The following MACROD2 variants were observed in gnomAD, a reference collection of about 807,000 sequenced individuals.
The protein encoded by MACROD2 is mono-ADP ribosylhydrolase 2, also known as ADP-ribose glycohydrolase MACROD2.
In MACROD2, 36 loss-of-function variants were observed where a neutral mutation model predicts 70.4. The observed-to-expected ratio is 0.51, with a 90% CI of 0.39 to 0.68. The LOEUF (loss-of-function observed/expected upper bound fraction) is 0.68, where lower values mean the gene tolerates loss of function less well. Among genes scored for constraint, MACROD2 ranks in the 30% least tolerant of loss-of-function variants. The pLI, the probability that MACROD2 is intolerant of heterozygous loss-of-function variation, is 0.00. For synonymous variants in MACROD2, 172 were observed against 178.8 expected (o/e 0.96, Z 0.30); for missense variants, 496 against 538.4 (o/e 0.92, Z 0.78).
intron 8 of MACROD2, among the ~76,000 whole-genome samples, chr20:15,839,157 G>C (rs1014876331): frequency 2.0e-5 from 3 of 152,010 alleles, no homozygotes; most frequent in Admixed American, 6.6e-5. Context: ...CTCAAAAAAG[G>C]CTCCTTACAA....
At chr20:14,378,626 A>C (rs940667866) in intron 3 of MACROD2, among the ~76,000 whole-genome samples, 4 of 152,208 alleles carry the variant, frequency 2.6e-5, no homozygotes, top group African/African-American at 9.7e-5. Context: ...TAGGTAATAA[A>C]AGAGAGTTGT....
chr20:14,796,595 G>C (rs1157615454), intron 5 of MACROD2, among the ~76,000 whole-genome samples: 1 of 152,020 alleles, frequency 6.6e-6, no homozygotes, highest in Non-Finnish European at 1.5e-5. Context: ...GTTTATAAGA[G>C]TACAGCATTT....
chr20:15,549,418 G>A (rs2048066407), intron 8 of MACROD2, among the ~76,000 whole-genome samples: 1 of 152,140 alleles, frequency 6.6e-6, no homozygotes, highest in Admixed American at 6.5e-5. Flanking sequence ...GTTTGGAGGT[G>A]AATAGAAGAA....
At chr20:14,871,337 A>G (rs2073486076) in intron 5 of MACROD2, among the ~76,000 whole-genome samples, 1 of 152,162 alleles carries the variant, frequency 6.6e-6, no homozygotes, top group Non-Finnish European at 1.5e-5. Flanking sequence ...AACTCAGCAT[A>G]CAAGCCAGAA....
In MACROD2 at chr20:15,886,837, T is replaced by C. The variant is rs867533603; in HGVS notation, c.775+1026T>C. Among the ~76,000 whole-genome samples the C allele has an allele frequency of 3.3e-5, 5 of 152,264 alleles. No homozygotes were observed. The Middle Eastern group carries it at 0.014, about 414-fold the overall frequency. ...TTACCATATAGTTTTCTTTGGAGGATTAAATCAGATAACATACCTAAAGTT... is the reference window on the plus strand; with the variant it reads ...TTACCATATAGTTTTCTTTGGAGGACTAAATCAGATAACATACCTAAAGTT... On this transcript the variant is annotated intron_variant, in intron 10 of 17. Coordinates refer to ENST00000684519, the MANE Select transcript of MACROD2 (RefSeq NM_001351661.2).
chr20:14,756,415 T>C (rs1006805259), intron 5 of MACROD2, among the ~76,000 whole-genome samples: 1 of 152,142 alleles, frequency 6.6e-6, no homozygotes. Flanking sequence ...TTATGATTTG[T>C]AAAAATGTGT....
intron 5 of MACROD2, among the ~76,000 whole-genome samples, chr20:14,831,122 C>G (rs2072960334): frequency 6.6e-6 from 1 of 152,000 alleles, no homozygotes; most frequent in Non-Finnish European, 1.5e-5. Context: ...TGTTTCACCA[C>G]TGGGAGGAAC....
chr20:15,108,333 G>C (rs947596562), intron 5 of MACROD2, among the ~76,000 whole-genome samples: 1 of 152,170 alleles, frequency 6.6e-6, no homozygotes, highest in East Asian at 1.9e-4. Context: ...AGCATTAATA[G>C]AGTAAGTAAG....
chr20:15,333,906 C>T (rs4814357), intron 6 of MACROD2, among the ~76,000 whole-genome samples: 2 of 151,300 alleles, frequency 1.3e-5, no homozygotes, highest in Admixed American at 6.6e-5. Flanking sequence ...GAACAGACCA[C>T]ATGGGTCACA....
intron 5 of MACROD2, among the ~76,000 whole-genome samples, chr20:14,793,468 T>C (rs2072474268): frequency 6.6e-6 from 1 of 151,768 alleles, no homozygotes; most frequent in African/African-American, 2.4e-5. Flanking sequence ...GCATATTTTC[T>C]GGCTCATTTG....
intron 8 of MACROD2, among the ~76,000 whole-genome samples, chr20:15,698,233 A>G (rs948637915): frequency 1.3e-5 from 2 of 152,184 alleles, no homozygotes; most frequent in Admixed American, 6.5e-5. Context: ...TTCAAGATCT[A>G]GAACTCCTTT....
intron 3 of MACROD2, among the ~76,000 whole-genome samples, chr20:14,379,490 A>G (rs1182016261): frequency 2.0e-5 from 3 of 152,198 alleles, no homozygotes; most frequent in Non-Finnish European, 4.4e-5. Context: ...AACCATTTTT[A>G]AGTATGCAAT....
chr20:14,905,985 G>A (rs1054176060), intron 5 of MACROD2: 4 of 151,916 alleles, frequency 2.6e-5, no homozygotes, highest in African/African-American at 9.7e-5. Context: ...TTTTATTGTG[G>A]TTTTGTTTTT....
chr20:15,381,340 G>C (rs889238509), intron 6 of MACROD2, among the ~76,000 whole-genome samples: 1 of 151,732 alleles, frequency 6.6e-6, no homozygotes, highest in South Asian at 2.1e-4. Flanking sequence ...TAAGGCCACC[G>C]AGAGAGCACA....
chr20:14,723,920 T>C (rs2071498624), intron 5 of MACROD2, among the ~76,000 whole-genome samples: 1 of 152,164 alleles, frequency 6.6e-6, no homozygotes, highest in Admixed American at 6.6e-5. Context: ...TCTTTTCATT[T>C]TCCTGTGAGA....
At chr20:15,872,673 AAAGT>A (rs1184790081) in intron 9 of MACROD2, among the ~76,000 whole-genome samples, 1 of 152,218 alleles carries the variant, frequency 6.6e-6, no homozygotes, top group Non-Finnish European at 1.5e-5. Context: ...TACAATTTTA[AAAGT>A]AAGTAGTTCA....
At chr20:14,665,429 T>C (rs1287783818) in intron 4 of MACROD2, among the ~76,000 whole-genome samples, 1 of 151,994 alleles carries the variant, frequency 6.6e-6, no homozygotes, top group African/African-American at 2.4e-5. Flanking sequence ...AGCCCTGACC[T>C]AATGAATTAC....
intron 3 of MACROD2, among the ~76,000 whole-genome samples, chr20:14,132,398 T>C (rs1194775374): frequency 6.6e-6 from 1 of 152,164 alleles, no homozygotes; most frequent in African/African-American, 2.4e-5. Context: ...CTGAAATGTA[T>C]GTAGCTTACT....
chr20:15,478,850 G>C (rs1249754408), intron 7 of MACROD2, among the ~76,000 whole-genome samples: 1 of 152,204 alleles, frequency 6.6e-6, no homozygotes, highest in Non-Finnish European at 1.5e-5. Context: ...TTGGTTGCAA[G>C]GTGGCTGTCA....
Sources: gnomAD v4.1 joint callset for allele counts (sites outside exome capture counted in the v4.1 genomes callset) on GRCh38, gnomAD v4.1.1 for gene constraint, MANE v1.5 for transcripts, NCBI Gene and HGNC (gene_info 2026-07-23, HGNC 2026-07-21) for gene names.